Variants in SRGAP3 observed in about 807,000 individuals in gnomAD.
The protein encoded by SRGAP3 is SLIT-ROBO Rho GTPase activating protein 3.
In SRGAP3, 39 loss-of-function variants were observed where a neutral mutation model predicts 121.1. The ratio of observed to expected loss-of-function variants is 0.32; its 90% confidence interval spans 0.25 to 0.42. SRGAP3 has a LOEUF of 0.42. Ranked by LOEUF, SRGAP3 falls within the 10% of genes least tolerant of loss-of-function variation. The pLI, the probability that SRGAP3 is intolerant of heterozygous loss-of-function variation, is 1.00. For missense variants in SRGAP3, 1,213 were observed against 1,470.6 expected, an observed-to-expected ratio of 0.82 and a Z score of 2.86; for synonymous variants, 601 against 570.0, an observed-to-expected ratio of 1.05 and a Z score of -0.77.
intron 3 of SRGAP3, among the ~76,000 whole-genome samples, chr3:9,281,196 T>C (rs1189767404): frequency 6.6e-6 from 1 of 152,176 alleles, no homozygotes. Flanking sequence ...ATATGGGTTA[T>C]GAAAATTACA....
chr3:9,186,439 C>T (rs1401603151), intron 1 of SRGAP3, among the ~76,000 whole-genome samples: 1 of 152,158 alleles, frequency 6.6e-6, no homozygotes, highest in Non-Finnish European at 1.5e-5. Flanking sequence ...TATAACAGCA[C>T]CTGGGACGCT....
chr3:9,054,567 A>G (rs1449392600), intron 8 of SRGAP3, among the ~76,000 whole-genome samples: 1 of 152,246 alleles, frequency 6.6e-6, no homozygotes, highest in East Asian at 1.9e-4. Flanking sequence ...TAAAATGTAT[A>G]AAACCAAGTT....
intron 1 of SRGAP3, among the ~76,000 whole-genome samples, chr3:9,200,797 T>C (rs945022468): frequency 6.6e-6 from 1 of 152,182 alleles, no homozygotes; most frequent in Non-Finnish European, 1.5e-5. Flanking sequence ...GGCTCCACCA[T>C]AGACGTATTG....
At chr3:9,047,367 G>C in intron 10 of SRGAP3, 24 bp downstream of exon 10, 1 of 1,613,226 alleles carries the variant, frequency 6.2e-7, no homozygotes, top group Non-Finnish European at 8.5e-7. Flanking sequence ...GCACCTCCCA[G>C]AGGGCCTCCA....
At chr3:9,212,698 A>C (rs1474468733) in intron 1 of SRGAP3, among the ~76,000 whole-genome samples, 1 of 152,196 alleles carries the variant, frequency 6.6e-6, no homozygotes, top group African/African-American at 2.4e-5. Flanking sequence ...CTGGTGACAG[A>C]GAGAGACTCC....
At position 9,064,457 on chromosome 3, in the gene SRGAP3, C is replaced by T. The variant is rs1466953648; in HGVS notation, c.611G>A (p.Arg204Gln). 9 of 1,614,210 alleles carry T rather than the reference C, an allele frequency of 5.6e-6. No individual in the cohort carries two copies. The highest frequency in any genetic ancestry group is 1.7e-5 in the Admixed American group (1 of 60,030). Residue 204 changes from arginine to glutamine, a missense_variant, in exon 5 of 22, where the codon CGG (arginine) becomes CAG (glutamine). Physicochemically the swap from Arg to Gln is conservative, Grantham distance 43 (BLOSUM62 1). Transcript: ENST00000383836. ...GCGGCGCTGGGGCCGGTCCTCGTGC[C>T]GGAGCAGGTTCATGCTGAGGTCTCC... The part of the protein sequence containing the change: ...KSGDLSMNLL[R>Q]HEDRPQRRSS...
intron 3 of SRGAP3, among the ~76,000 whole-genome samples, chr3:9,093,589 C>T (rs1947846719): frequency 6.6e-6 from 1 of 152,108 alleles, no homozygotes; most frequent in East Asian, 1.9e-4. Context: ...ATCCATCAAC[C>T]CACTCATCCA....
chr3:9,144,579 C>T (rs1040708761), intron 1 of SRGAP3, among the ~76,000 whole-genome samples: 1 of 152,186 alleles, frequency 6.6e-6, no homozygotes, highest in East Asian at 1.9e-4. Context: ...ATGCTGTTCT[C>T]GTAATGGTAC....
chr3:9,152,237 C>T (rs1950235048), intron 1 of SRGAP3, among the ~76,000 whole-genome samples: 1 of 152,236 alleles, frequency 6.6e-6, no homozygotes, highest in Non-Finnish European at 1.5e-5. Flanking sequence ...TGGCCACAAC[C>T]TCTAGAAAGG....
At chr3:8,990,384 A>T in intron 21 of SRGAP3, 128 bp downstream of exon 21, 1 of 1,228,510 alleles carries the variant, frequency 8.1e-7, no homozygotes, top group Non-Finnish European at 1.1e-6. Context: ...GAGGCCACTC[A>T]CTCTCCTGTT....
At chr3:9,341,181 C>T (rs1955782545) in intron 1 of SRGAP3, among the ~76,000 whole-genome samples, 1 of 152,138 alleles carries the variant, frequency 6.6e-6, no homozygotes, top group Non-Finnish European at 1.5e-5. Context: ...GATAGAGTCA[C>T]ATAGCAGGTT....
At chr3:9,284,112 A>T (rs1231741086) in intron 3 of SRGAP3, among the ~76,000 whole-genome samples, 1 of 151,152 alleles carries the variant, frequency 6.6e-6, no homozygotes, top group Non-Finnish European at 1.5e-5. Flanking sequence ...CATTCTCCCG[A>T]GTTAAAAAAA....
intron 3 of SRGAP3, among the ~76,000 whole-genome samples, chr3:9,324,750 G>T (rs1955489722): frequency 6.6e-6 from 1 of 151,790 alleles, no homozygotes; most frequent in African/African-American, 2.4e-5. Flanking sequence ...GAGGTCAGGA[G>T]ATCGAGACCA....
chr3:9,241,453 C>T (rs568244334), intron 1 of SRGAP3, among the ~76,000 whole-genome samples: 1 of 152,326 alleles, frequency 6.6e-6, no homozygotes, highest in South Asian at 2.1e-4. Context: ...GAAGGAAGTG[C>T]TCCCTAGACC....
chr3:9,048,770 G>C (rs1202187359), intron 9 of SRGAP3, among the ~76,000 whole-genome samples: 1 of 152,202 alleles, frequency 6.6e-6, no homozygotes, highest in Non-Finnish European at 1.5e-5. Context: ...GCTGTAGTGA[G>C]CTATGTTCAT....
intron 2 of SRGAP3, among the ~76,000 whole-genome samples, chr3:9,120,232 A>G (rs1188767853): frequency 3.9e-5 from 6 of 152,246 alleles, no homozygotes; most frequent in Non-Finnish European, 8.8e-5. Flanking sequence ...GCAAATAAGT[A>G]CATCAGAGTA....
intron 3 of SRGAP3, among the ~76,000 whole-genome samples, chr3:9,284,632 C>A (rs1197860405): frequency 1.3e-5 from 2 of 152,000 alleles, no homozygotes; most frequent in African/African-American, 4.8e-5. Context: ...GAGTTTGAGA[C>A]CAGCCTGAAC....
At chr3:8,995,516 T>TTA (rs1942347356) in intron 18 of SRGAP3, among the ~76,000 whole-genome samples, 1 of 152,164 alleles carries the variant, frequency 6.6e-6, no homozygotes. Context: ...AGGGCATAGC[T>TTA]TAGTACAGAT....
At chr3:9,241,683 G>A (rs1196142823) in intron 1 of SRGAP3, among the ~76,000 whole-genome samples, 1 of 152,194 alleles carries the variant, frequency 6.6e-6, no homozygotes, top group Non-Finnish European at 1.5e-5. Context: ...CTAACCCCCA[G>A]TGTGATGGTA....
Sources: allele counts gnomAD v4.1 joint callset (sites outside exome capture counted in the v4.1 genomes callset), GRCh38; gene constraint gnomAD v4.1.1; transcripts MANE v1.5; gene names NCBI Gene and HGNC (gene_info 2026-07-23, HGNC 2026-07-21).